The following HMGB4 variants were observed in gnomAD, a reference collection of about 807,000 sequenced individuals.
HMGB4 encodes high mobility group box 4.
For missense variants in HMGB4, 217 were observed against 220.4 expected, an observed-to-expected ratio of 0.98 and a Z score of 0.10; for synonymous variants, 82 against 84.9, an observed-to-expected ratio of 0.97 and a Z score of 0.19.
upstream of HMGB4, among the ~76,000 whole-genome samples, chr1:33,861,873 C>G (rs1558017469): frequency 6.6e-6 from 1 of 152,134 alleles, no homozygotes; most frequent in Non-Finnish European, 1.5e-5. Flanking sequence ...GACACAGAAC[C>G]AGCTCCAAGT....
chr1:33,862,789 GCCAGCCA>G (rs1198728740), upstream of HMGB4: 1 of 152,208 alleles, frequency 6.6e-6, no homozygotes. Flanking sequence ...GCTTAGGTAG[GCCAGCCA>G]CCTTGCAGCA....
Position 33,864,621 on chromosome 1 carries a change from CAA to C in HMGB4, c.432_433del (p.Arg145SerfsTer7), listed in dbSNP as rs1439481894. On this transcript the variant is annotated frameshift_variant, in exon 1 of 1. Coordinates refer to ENST00000681531, the MANE Select transcript of HMGB4 (RefSeq NM_001379301.1). LOFTEE classifies it low-confidence loss of function (END_TRUNC). Reference protein sequence around the residue: ...ATDLEKHPYEQRVALLRAKYF... With the variant: ...ATDLEKHPYEXRVALLRAKYF... ...AGACCTGGAGAAGCACCCTTATGAGCAAAGAGTGGCTCTCCTGAGAGCTAAGT... is the reference window on the plus strand; with the variant it reads ...AGACCTGGAGAAGCACCCTTATGAGCAGAGTGGCTCTCCTGAGAGCTAAGT... 4 of 1,613,980 alleles carry C rather than the reference CAA, an allele frequency of 2.5e-6. No homozygotes were observed. Among genetic ancestry groups the C allele is most frequent in the African/African-American group, 2.7e-5 (2 of 75,030 alleles).
chr1:33,863,984 G>T (rs1479368432), upstream of HMGB4: 22 of 557,074 alleles, frequency 3.9e-5, no homozygotes, highest in Non-Finnish European at 6.6e-5. Context: ...TGTTGGCTGG[G>T]ATTGGCTGGC....
chr1:33,861,928 T>C (rs368674224), upstream of HMGB4, among the ~76,000 whole-genome samples: 120 of 106,104 alleles, frequency 1.1e-3, no homozygotes, highest in East Asian at 0.03. Flanking sequence ...TTGACTTAAC[T>C]TTCCTCCATC....
rs140191038 is a variant in HMGB4 at position 33,864,363 on chromosome 1, G to T, written c.172G>T (p.Ala58Ser). The change falls in exon 1 of 1, where the codon GCC becomes TCC. Residue 58 changes from alanine (A) to serine (S), a missense_variant. Transcript: ENST00000681531. ...KWRSISKHEKAKYEALAKLDK... is the reference protein window; with the variant it reads ...KWRSISKHEKSKYEALAKLDK... ...GAGATCCATCTCAAAGCATGAAAAG[G>T]CCAAATATGAAGCCCTGGCCAAACT... The T allele has an allele frequency of 6.2e-7, 1 of 1,614,096 alleles. No homozygotes were observed. The highest frequency in any genetic ancestry group is 1.7e-5 in the Admixed American group (1 of 60,024).
Position 33,864,661 on chromosome 1 carries a change from T to C in HMGB4, c.470T>C (p.Leu157Pro), listed in dbSNP as rs768552190. 1.5e-5 allele frequency: 25 copies of C among 1,613,748 alleles called. No individual in the cohort carries two copies. Among genetic ancestry groups the C allele is most frequent in the Non-Finnish European group, 2.0e-5 (24 of 1,179,964 alleles). ...CTGAGAGCTAAGTACTTCGAGGAAC[T>C]TGAACTCTACCGTAAACAATGTAAT... ...ALLRAKYFEE[L>P]ELYRKQCNAR... The change falls in exon 1 of 1, where the codon CTT becomes CCT. Residue 157 changes from leucine to proline, a missense_variant. Transcript: ENST00000681531.
At chr1:33,861,818 A>G (rs1318528530), upstream of HMGB4, among the ~76,000 whole-genome samples, 2 of 152,192 alleles carry the variant, frequency 1.3e-5, no homozygotes, top group East Asian at 3.9e-4. Flanking sequence ...GGAGAGAGTC[A>G]TTTAGAGAGG....
chr1:33,863,218 C>T (rs1639678777), upstream of HMGB4: 1 of 152,172 alleles, frequency 6.6e-6, no homozygotes. Flanking sequence ...CCAAAGGCCC[C>T]CAGAATGACA....
upstream of HMGB4, chr1:33,863,118 C>T (rs1300361941): frequency 3.3e-5 from 5 of 152,152 alleles, no homozygotes; most frequent in African/African-American, 1.2e-4. Context: ...GTTAATGAAA[C>T]TCAGTTTTCT....
chr1:33,862,017 G>A (rs2125115973), upstream of HMGB4, among the ~76,000 whole-genome samples: 1 of 152,232 alleles, frequency 6.6e-6, no homozygotes, highest in South Asian at 2.1e-4. Context: ...GGCTCATACA[G>A]ACCAGCTTCC....
chr1:33,861,960 T>C (rs887334534), upstream of HMGB4, among the ~76,000 whole-genome samples: 24 of 151,728 alleles, frequency 1.6e-4, no homozygotes, highest in Non-Finnish European at 3.2e-4. Flanking sequence ...GAGGGCCCCA[T>C]TGACCAAAGT....
At chr1:33,864,066 C>T (rs1639764469), upstream of HMGB4, 5 of 871,894 alleles carry the variant, frequency 5.7e-6, no homozygotes, top group Middle Eastern at 7.3e-4. Context: ...TGAGCCCTGA[C>T]TACAGCTCTT....
rs61769874 is a variant in HMGB4 at position 33,864,536 on chromosome 1, C to T, written c.345C>T (p.Asn115=). The T allele has an allele frequency of 6.2e-7, 1 of 1,613,958 alleles. No homozygotes were observed. The highest frequency in any genetic ancestry group is 8.5e-7 in the Non-Finnish European group (1 of 1,180,008). The part of the protein sequence containing the change: ...QDHYAQLKRE[N]PNWSVVQVAK... ...ACTATGCTCAGCTGAAGAGGGAGAA[C>T]CCGAACTGGTCGGTGGTGCAGGTGG... The change falls in exon 1 of 1, where the codon AAC becomes AAT. Residue 115 remains asparagine, a synonymous_variant. Transcript: ENST00000681531.
rs199866272 is a variant in HMGB4, at chr1:33,864,703, G to C, written c.512G>C (p.Arg171Pro). ...CAATGTAATGCCAGGAAGAAGTACC[G>C]AATGTCAGCTAGAAACCGGTGCAGA... ...RKQCNARKKY[R>P]MSARNRCRGK... The change falls in exon 1 of 1, where the codon CGA (arginine) becomes CCA (proline). Residue 171 changes from arginine (R) to proline (P), a missense_variant. Coordinates refer to ENST00000681531, the MANE Select transcript of HMGB4 (RefSeq NM_001379301.1). The C allele has an allele frequency of 1.9e-6, 3 of 1,613,224 alleles. No individual in the cohort carries two copies. In the African/African-American group the frequency reaches 4.0e-5, roughly 22 times the overall value.
Position 33,864,712 on chromosome 1 carries a change from C to T in HMGB4, c.521C>T (p.Ala174Val), listed in dbSNP as rs772367948. The stretch of plus-strand genomic sequence containing the variant: ...GCCAGGAAGAAGTACCGAATGTCAG[C>T]TAGAAACCGGTGCAGAGGGAAAAGA... ...CNARKKYRMS[A>V]RNRCRGKRVR... The change falls in exon 1 of 1, where the codon GCT becomes GTT. Residue 174 changes from alanine (A) to valine (V), a missense_variant. Ala to Val is a moderately conservative substitution (Grantham distance 64, BLOSUM62 0). Coordinates refer to ENST00000681531, the MANE Select transcript of HMGB4 (RefSeq NM_001379301.1). 3 of 1,612,786 alleles carry T rather than the reference C, an allele frequency of 1.9e-6. No individual in the cohort carries two copies. In the East Asian group the frequency reaches 6.7e-5, roughly 36 times the overall value.
In HMGB4 at chr1:33,864,510, C is replaced by G; in HGVS notation, c.319C>G (p.His107Asp). 1 of 1,614,110 alleles carries G rather than the reference C, an allele frequency of 6.2e-7. No individual in the cohort carries two copies. Among genetic ancestry groups the G allele is most frequent in the East Asian group, 2.2e-5 (1 of 44,848 alleles). ...PSSFLLFCQDHYAQLKRENPN... is the reference protein window; with the variant it reads ...PSSFLLFCQDDYAQLKRENPN... ...ATCCTTCCTACTCTTCTGCCAAGAC[C>G]ACTATGCTCAGCTGAAGAGGGAGAA... The change falls in exon 1 of 1, where the codon CAC (histidine) becomes GAC (aspartate). Residue 107 changes from histidine (H) to aspartate (D), a missense_variant. His to Asp is a moderately conservative substitution (Grantham distance 81). Transcript: ENST00000681531.
rs200543241 is a variant in HMGB4, at chr1:33,864,474, C to A, written c.283C>A (p.Arg95=). The change falls in exon 1 of 1, where the codon CGG becomes AGG. Residue 95 remains arginine, a synonymous_variant. Transcript: ENST00000681531. ...AAAGCGGGATCCCCAGGAACCCAGACGGCCTCCATCATCCTTCCTACTCTT... is the reference window on the plus strand; with the variant it reads ...AAAGCGGGATCCCCAGGAACCCAGAAGGCCTCCATCATCCTTCCTACTCTT... ...RRKRDPQEPR[R]PPSSFLLFCQ... is the part of the protein sequence containing the mutation. The A allele has an allele frequency of 2.2e-5, 36 of 1,613,416 alleles. No homozygotes were observed. In the African/African-American group the frequency reaches 4.5e-4, roughly 20 times the overall value.
In HMGB4 at chr1:33,864,546, T is replaced by C; in HGVS notation, c.355T>C (p.Ser119Pro). The C allele has an allele frequency of 6.2e-7, 1 of 1,614,016 alleles. No homozygotes were observed. Among genetic ancestry groups the C allele is most frequent in the South Asian group, 1.1e-5 (1 of 91,076 alleles). ...AQLKRENPNWSVVQVAKATGK... is the reference protein window; with the variant it reads ...AQLKRENPNWPVVQVAKATGK... ...GCTGAAGAGGGAGAACCCGAACTGG[T>C]CGGTGGTGCAGGTGGCCAAGGCCAC... The change falls in exon 1 of 1, where the codon TCG (serine) becomes CCG (proline). Residue 119 changes from serine (S) to proline (P), a missense_variant. Ser to Pro is a moderately conservative substitution (Grantham distance 74). Transcript: ENST00000681531.
chr1:33,860,867 T>A (rs1570301377), upstream of HMGB4: 1 of 152,178 alleles, frequency 6.6e-6, no homozygotes, highest in East Asian at 1.9e-4. Flanking sequence ...ATTCTTGGAG[T>A]GTGACCCATC....
Sources: gnomAD v4.1 joint callset for allele counts (sites outside exome capture counted in the v4.1 genomes callset) on GRCh38, gnomAD v4.1.1 for gene constraint, MANE v1.5 for transcripts, NCBI Gene and HGNC (gene_info 2026-07-23, HGNC 2026-07-21) for gene names.